The following MTUS2 variants were observed in gnomAD, a reference collection of about 807,000 sequenced individuals.
MTUS2 encodes microtubule associated scaffold protein 2, also known as microtubule-associated tumor suppressor candidate 2.
MTUS2 carries 40 observed loss-of-function variants against 114.1 expected under a neutral mutation model. The ratio of observed to expected loss-of-function variants is 0.35; its 90% CI spans 0.27 to 0.46. MTUS2 has a LOEUF of 0.46. Ranked by LOEUF, MTUS2 falls within the 20% of genes least tolerant of loss-of-function variation. MTUS2 has a pLI of 1.00. For synonymous variants in MTUS2, 688 were observed against 672.0 expected (o/e 1.02, Z -0.37); for missense variants, 1,679 against 1,705.4 (o/e 0.98, Z 0.27).
At chr13:29,212,873 T>G (rs1316462027) in intron 5 of MTUS2, among the ~76,000 whole-genome samples, 2 of 152,102 alleles carry the variant, frequency 1.3e-5, no homozygotes, top group Non-Finnish European at 2.9e-5. Flanking sequence ...TAGGCATGAC[T>G]GACTATTAAC....
chr13:29,252,185 TTATAA>T (rs201916754), intron 5 of MTUS2, among the ~76,000 whole-genome samples: 2,450 of 152,258 alleles, frequency 0.016, 72 homozygotes, highest in African/African-American at 0.057. Flanking sequence ...CTAAATACTA[TTATAA>T]TATAATCGTA....
chr13:29,024,387 T>G, intron 2 of MTUS2, 70 bp from the exon 3 acceptor site: 1 of 314,122 alleles, frequency 3.2e-6, no homozygotes. Context: ...TAAATCTGTG[T>G]TTACCACTTT....
chr13:29,332,614 T>C (rs913024008), intron 7 of MTUS2, among the ~76,000 whole-genome samples: 2 of 150,348 alleles, frequency 1.3e-5, no homozygotes, highest in Non-Finnish European at 2.9e-5. Context: ...TGAATTTGTT[T>C]GCTCTTGCTT....
intron 2 of MTUS2, among the ~76,000 whole-genome samples, chr13:28,942,644 G>A (rs1034546883): frequency 6.6e-6 from 1 of 152,242 alleles, no homozygotes; most frequent in Non-Finnish European, 1.5e-5. Context: ...CAGTAGAGCT[G>A]TTGTTACATG....
chr13:29,310,599 C>T (rs1899709962), intron 6 of MTUS2, among the ~76,000 whole-genome samples: 1 of 152,106 alleles, frequency 6.6e-6, no homozygotes, highest in Non-Finnish European at 1.5e-5. Flanking sequence ...GTCAACACTC[C>T]ACAAAAGTAA....
At chr13:29,427,379 A>G (rs1029332253) in intron 8 of MTUS2, among the ~76,000 whole-genome samples, 1 of 152,208 alleles carries the variant, frequency 6.6e-6, no homozygotes, top group East Asian at 1.9e-4. Context: ...AAAATCTAAA[A>G]TATTCCACAT....
intron 8 of MTUS2, among the ~76,000 whole-genome samples, chr13:29,384,998 T>C (rs1169002262): frequency 6.6e-6 from 1 of 152,200 alleles, no homozygotes; most frequent in Non-Finnish European, 1.5e-5. Context: ...CCTGATCCCA[T>C]TCACATTTGT....
At chr13:29,215,461 G>A (rs1158911065) in intron 5 of MTUS2, among the ~76,000 whole-genome samples, 1 of 121,662 alleles carries the variant, frequency 8.2e-6, no homozygotes, top group Non-Finnish European at 1.6e-5. Flanking sequence ...GGAGTTTTCA[G>A]CATTTTTTTG....
intron 2 of MTUS2, among the ~76,000 whole-genome samples, chr13:28,962,121 G>A (rs1017468873): frequency 6.6e-6 from 1 of 151,320 alleles, no homozygotes; most frequent in African/African-American, 2.4e-5. Context: ...AAAAATATCT[G>A]AAAAATATAC....
chr13:28,891,408 A>G (rs926091523), intron 2 of MTUS2, among the ~76,000 whole-genome samples: 1 of 152,198 alleles, frequency 6.6e-6, no homozygotes, highest in Non-Finnish European at 1.5e-5. Context: ...ACACCATACA[A>G]TGTATTGCCT....
chr13:28,975,182 G>A (rs1884032442), intron 2 of MTUS2, among the ~76,000 whole-genome samples: 1 of 152,240 alleles, frequency 6.6e-6, no homozygotes, highest in Non-Finnish European at 1.5e-5. Context: ...GAAAATGTTA[G>A]TGTGGAGTGG....
intron 11 of MTUS2, among the ~76,000 whole-genome samples, chr13:29,490,492 GA>G (rs1211905251): frequency 6.6e-6 from 1 of 152,240 alleles, no homozygotes; most frequent in Non-Finnish European, 1.5e-5. Context: ...TTCCCATCAG[GA>G]GGAAAACAGA....
chr13:28,896,457 G>A (rs1186679909), intron 2 of MTUS2, among the ~76,000 whole-genome samples: 1 of 152,168 alleles, frequency 6.6e-6, no homozygotes, highest in Non-Finnish European at 1.5e-5. Flanking sequence ...AATCAATATT[G>A]TGAAAATGGC....
intron 1 of MTUS2, among the ~76,000 whole-genome samples, chr13:28,831,463 T>A (rs963148537): frequency 2.0e-5 from 3 of 152,212 alleles, no homozygotes; most frequent in African/African-American, 7.2e-5. Flanking sequence ...AGATATAACC[T>A]GAACATAGTA....
chr13:29,000,359 TC>T (rs1885327691), intron 2 of MTUS2, among the ~76,000 whole-genome samples: 1 of 152,118 alleles, frequency 6.6e-6, no homozygotes, highest in Admixed American at 6.6e-5. Flanking sequence ...CAGTGTTTTT[TC>T]CTTTTTTTTC....
chr13:29,256,198 C>T lies in MTUS2; in HGVS notation c.2645-25506C>T, dbSNP rs568386810. Among the ~76,000 whole-genome samples the T allele has an allele frequency of 2.7e-4, 41 of 152,296 alleles. No individual in the cohort carries two copies. In the South Asian group the frequency reaches 5.6e-3, roughly 21 times the overall value. On this transcript the variant is annotated intron_variant, in intron 5 of 15. Transcript: ENST00000612955. ...TTGTTAGGAATCCCAGCTGTGTTGT[C>T]GTGATACAGAGCTTATCCCAATGGT...
intron 8 of MTUS2, among the ~76,000 whole-genome samples, chr13:29,402,770 A>C (rs1480533741): frequency 6.6e-6 from 1 of 151,894 alleles, no homozygotes; most frequent in Non-Finnish European, 1.5e-5. Context: ...GTATGTATGT[A>C]TTTTTTCAGA....
At chr13:28,966,458 ACACCTCTAATC>A (rs1363509940) in intron 2 of MTUS2, among the ~76,000 whole-genome samples, 1 of 152,160 alleles carries the variant, frequency 6.6e-6, no homozygotes, top group Non-Finnish European at 1.5e-5. Context: ...GCAATGGGTC[ACACCTCTAATC>A]CAAGCACGTT....
rs372039435 is a variant in MTUS2 at position 29,096,204 on chromosome 13, A to G, written c.2447-4569A>G. ...ATTTCCCTTGCACTGTGAATTCACT[A>G]ATGTTGCTCCACAGAAGACATAGCC... On this transcript the variant is annotated intron_variant, in intron 4 of 15. Coordinates refer to ENST00000612955, the MANE Select transcript of MTUS2 (RefSeq NM_001033602.4). 8.5e-5 allele frequency among the ~76,000 whole-genome samples: 13 copies of G among 152,256 alleles called. No individual in the cohort carries two copies. In the South Asian group the frequency reaches 2.5e-3, roughly 29 times the overall value.
Sources: allele counts gnomAD v4.1 joint callset (sites outside exome capture counted in the v4.1 genomes callset), GRCh38; gene constraint gnomAD v4.1.1; transcripts MANE v1.5; gene names NCBI Gene and HGNC (gene_info 2026-07-23, HGNC 2026-07-21).